INSL6: variants seen among roughly 807,000 people sequenced by gnomAD.
INSL6 encodes the protein insulin-like peptide INSL6.
INSL6 carries 16 observed loss-of-function variants against 9.4 expected under a neutral mutation model. The observed-to-expected ratio is 1.70, with a 90% CI of 1.15 to 2.59. The LOEUF (loss-of-function observed/expected upper bound fraction) is 2.59, where lower values mean the gene tolerates loss of function less well. Among genes scored for constraint, INSL6 ranks in the 30% most tolerant of loss-of-function variants. The pLI, the probability that INSL6 is intolerant of heterozygous loss-of-function variation, is 0.00. For missense variants in INSL6, 391 were observed against 257.3 expected (o/e 1.52, Z -3.56); for synonymous variants, 154 against 96.9 (o/e 1.59, Z -3.46).
chr9:5,160,344 ATGACCAG>A (rs1383854338), downstream of INSL6, among the ~76,000 whole-genome samples: 1 of 152,156 alleles, frequency 6.6e-6, no homozygotes, highest in Non-Finnish European at 1.5e-5. Flanking sequence ...ATGCTCCTGA[ATGACCAG>A]TGGTCAACGA....
the INSL6 span, among the ~76,000 whole-genome samples, chr9:5,104,329 T>A: frequency 6.6e-6 from 1 of 152,104 alleles, no homozygotes; most frequent in African/African-American, 2.4e-5. Flanking sequence ...ATGGATAAAT[T>A]CCTGGACACA....
the INSL6 span, among the ~76,000 whole-genome samples, chr9:5,012,541 T>C: frequency 6.6e-6 from 1 of 152,186 alleles, no homozygotes; most frequent in Non-Finnish European, 1.5e-5. Flanking sequence ...TCTGAACTTC[T>C]CATTAAGGGA....
chr9:5,123,022 G>A (rs761304950), downstream of INSL6: 6 of 1,610,458 alleles, frequency 3.7e-6, no homozygotes, highest in East Asian at 1.1e-4. Flanking sequence ...CAGAATCACT[G>A]ACAGAGAGCA....
At chr9:5,065,534 T>C in the INSL6 span, among the ~76,000 whole-genome samples, 2,538 of 152,328 alleles carry the variant, frequency 0.017, 67 homozygotes, top group African/African-American at 0.057. Context: ...CAGCAGCCAC[T>C]AGCTACATGT....
intron 2 of INSL6, among the ~76,000 whole-genome samples, chr9:5,157,099 T>A (rs1824830705): frequency 6.6e-6 from 1 of 152,112 alleles, no homozygotes; most frequent in African/African-American, 2.4e-5. Context: ...TACAAAATAT[T>A]GCTGAAATTA....
chr9:5,165,981 C>G (rs561971939), intron 1 of INSL6, among the ~76,000 whole-genome samples: 1 of 152,202 alleles, frequency 6.6e-6, no homozygotes, highest in Non-Finnish European at 1.5e-5. Context: ...CAAAAGAAAC[C>G]AATCTGTCAC....
chr9:4,995,651 T>C, the INSL6 span, among the ~76,000 whole-genome samples: 3 of 152,214 alleles, frequency 2.0e-5, no homozygotes, highest in African/African-American at 7.2e-5. Flanking sequence ...CATTTCTATT[T>C]ATTTGTTTCC....
At chr9:5,138,242 A>T (rs1013381927) in intron 2 of INSL6, among the ~76,000 whole-genome samples, 27 of 152,238 alleles carry the variant, frequency 1.8e-4, no homozygotes, top group Admixed American at 3.9e-4. Context: ...GTATATACCC[A>T]AAGGATTATA....
At chr9:5,113,219 T>TC in the INSL6 span, among the ~76,000 whole-genome samples, 1 of 92,700 alleles carries the variant, frequency 1.1e-5, no homozygotes, top group Non-Finnish European at 2.0e-5. Context: ...TTTTTTTTTT[T>TC]CCAGTAAACA....
chr9:5,068,358 T>C, the INSL6 span, among the ~76,000 whole-genome samples: 185 of 152,262 alleles, frequency 1.2e-3, 1 homozygote, highest in African/African-American at 4.3e-3. Context: ...CTGCAAAATA[T>C]TAAAAATGTA....
At chr9:5,015,650 A>T in the INSL6 span, among the ~76,000 whole-genome samples, 1 of 151,314 alleles carries the variant, frequency 6.6e-6, no homozygotes, top group African/African-American at 2.4e-5. Context: ...AAGTGATCCT[A>T]TTGTTTTCTT....
intron 2 of INSL6, among the ~76,000 whole-genome samples, chr9:5,143,049 GA>G (rs1247607886): frequency 6.6e-6 from 1 of 152,096 alleles, no homozygotes; most frequent in African/African-American, 2.4e-5. Flanking sequence ...AAGCCTACTC[GA>G]TTGTGATTGA....
At chr9:4,998,320 T>G in the INSL6 span, among the ~76,000 whole-genome samples, 1 of 151,794 alleles carries the variant, frequency 6.6e-6, no homozygotes. Flanking sequence ...GCAGTGGCAT[T>G]ATCTCAGCTC....
chr9:4,999,947 G>T, the INSL6 span, among the ~76,000 whole-genome samples: 1 of 151,946 alleles, frequency 6.6e-6, no homozygotes, highest in Admixed American at 6.6e-5. Context: ...GCCAACACTG[G>T]GTATTGGCAT....
At chr9:5,081,941 T>C in the INSL6 span, 70 of 1,197,454 alleles carry the variant, frequency 5.8e-5, 2 homozygotes, top group South Asian at 8.9e-4. Context: ...AAGTTCACTT[T>C]CTACAACATT....
intron 2 of INSL6, among the ~76,000 whole-genome samples, chr9:5,146,813 G>A (rs947058528): frequency 4.8e-4 from 73 of 152,300 alleles, no homozygotes; most frequent in African/African-American, 1.6e-3. Flanking sequence ...GTGTGGGCTG[G>A]TACACAGCCA....
chr9:5,079,835 T>C, the INSL6 span, among the ~76,000 whole-genome samples: 1 of 152,104 alleles, frequency 6.6e-6, no homozygotes, highest in Non-Finnish European at 1.5e-5. Flanking sequence ...AAAATTTTTT[T>C]TTTTTGAAGG....
the INSL6 span, among the ~76,000 whole-genome samples, chr9:5,056,380 T>G: frequency 1.3e-5 from 2 of 152,108 alleles, no homozygotes; most frequent in East Asian, 3.8e-4. Flanking sequence ...CTCTGTCTTC[T>G]TTTTAACTCA....
chr9:5,000,409 A>T, the INSL6 span, among the ~76,000 whole-genome samples: 1 of 152,234 alleles, frequency 6.6e-6, no homozygotes, highest in Non-Finnish European at 1.5e-5. Context: ...AGTAATTTTT[A>T]AAAGGGTATT....
Sources: gnomAD v4.1 joint callset for allele counts (sites outside exome capture counted in the v4.1 genomes callset) on GRCh38, gnomAD v4.1.1 for gene constraint, MANE v1.5 for transcripts, NCBI Gene and HGNC (gene_info 2026-07-23, HGNC 2026-07-21) for gene names.